Variants in PRC1 observed in about 807,000 individuals in gnomAD.
PRC1 encodes the protein protein regulator of cytokinesis 1, also known as anaphase spindle elongation 1 homolog.
Under a neutral mutation model 91.2 loss-of-function variants are expected in PRC1, and 54 were observed. The observed-to-expected ratio is 0.59, with a 90% confidence interval of 0.48 to 0.74. The LOEUF is 0.74. Ranked by LOEUF, PRC1 falls within the 30% of genes least tolerant of loss-of-function variation. The pLI is 0.00. For missense variants in PRC1, 727 were observed against 746.2 expected (o/e 0.97, Z 0.30); for synonymous variants, 275 against 263.6 (o/e 1.04, Z -0.42).
Position 90,974,627 on chromosome 15 carries a change from C to A in PRC1, c.1308G>T (p.Trp436Cys). ...QKFMEYVAEQ[W>C]EMHRLEKERA... Reference sequence around the variant, plus strand: ...TCTCTTTCTCCAATCGATGCATCTCCCATTGTTCTGCCACATACTCCATGA... The same window carrying A: ...TCTCTTTCTCCAATCGATGCATCTCACATTGTTCTGCCACATACTCCATGA... The change falls in exon 10 of 15, where the codon TGG (tryptophan) becomes TGT (cysteine). Residue 436 changes from tryptophan (W) to cysteine (C), a missense_variant. Physicochemically the swap from Trp to Cys is radical, Grantham distance 215 (BLOSUM62 -2). Transcript: ENST00000394249. This position sits in a 1 kb window ranked among gnomAD's most constrained non-coding sequence, Gnocchi z 4.6. The A allele has an allele frequency of 2.5e-6, 4 of 1,614,216 alleles. No homozygotes were observed. The highest frequency in any genetic ancestry group is 3.4e-6 in the Non-Finnish European group (4 of 1,180,042).
Position 90,969,269 on chromosome 15 carries a change from T to C in PRC1, c.1750-149A>G, listed in dbSNP as rs183717874. The C allele has an allele frequency of 5.8e-4, 703 of 1,202,394 alleles. 4 individuals are homozygous for C. The highest frequency in any genetic ancestry group is 7.1e-4 in the Non-Finnish European group (601 of 842,576). 74.5% of individuals were successfully genotyped at this position (1,202,394 alleles called of 1,614,324 possible). Reference sequence around the variant, plus strand: ...TGTCTAGTTGCTGCTGCCAACTTCCTTCCTACACAACCCCCCCTTAAATCA... The same window carrying C: ...TGTCTAGTTGCTGCTGCCAACTTCCCTCCTACACAACCCCCCCTTAAATCA... On this transcript the variant is annotated intron_variant, in intron 13 of 14. Coordinates refer to ENST00000394249, the MANE Select transcript of PRC1 (RefSeq NM_003981.4).
At chr15:90,978,506 C>T (rs541220876) in intron 8 of PRC1, among the ~76,000 whole-genome samples, 7 of 152,240 alleles carry the variant, frequency 4.6e-5, no homozygotes, top group South Asian at 2.1e-4. Context: ...GATCCCAGCA[C>T]TGTGGGAGGC....
Position 90,966,856 on chromosome 15 carries a change from T to A in PRC1, c.*275A>T. On this transcript the variant is annotated 3_prime_UTR_variant, in exon 15 of 15. Coordinates refer to ENST00000394249, the MANE Select transcript of PRC1 (RefSeq NM_003981.4). ...GATCATGCTTCAGCAAGTAGAATTATGTGGTAGAGAAGTCAGGCCCCATAT... is the reference window on the plus strand; with the variant it reads ...GATCATGCTTCAGCAAGTAGAATTAAGTGGTAGAGAAGTCAGGCCCCATAT... 2 of 521,422 alleles carry A rather than the reference T, an allele frequency of 3.8e-6. No homozygotes were observed. The highest frequency in any genetic ancestry group is 7.0e-6 in the Non-Finnish European group (2 of 287,762). The allele number at this position is 521,422 out of a possible 1,614,324, so 32.3% of individuals were successfully genotyped here. A position where few individuals can be genotyped will look rare whatever the true frequency, so the allele number is the denominator to read the frequency against.
intron 12 of PRC1, among the ~76,000 whole-genome samples, chr15:90,970,130 T>C (rs138374440): frequency 1.3e-5 from 2 of 152,228 alleles, no homozygotes; most frequent in East Asian, 1.9e-4. Flanking sequence ...GGGCTTGGAA[T>C]TGAGTCTACA....
chr15:90,966,975 G>C lies in PRC1; in HGVS notation c.*156C>G, dbSNP rs542518897. 3.0e-6 allele frequency: 2 copies of C among 663,708 alleles called. No homozygotes were observed. Among genetic ancestry groups the C allele is most frequent in the South Asian group, 3.7e-5 (2 of 53,908 alleles). The allele number at this position is 663,708 out of a possible 1,614,324, so 41.1% of individuals were successfully genotyped here. A position where few individuals can be genotyped will look rare whatever the true frequency, so the allele number is the denominator to read the frequency against. ...CTAAACCTATGATGGGCTTTCAACTGTAACACTCATTCACATCTTTAAGTT... is the reference window on the plus strand; with the variant it reads ...CTAAACCTATGATGGGCTTTCAACTCTAACACTCATTCACATCTTTAAGTT... On this transcript the variant is annotated 3_prime_UTR_variant, in exon 15 of 15. Coordinates refer to ENST00000394249, the MANE Select transcript of PRC1 (RefSeq NM_003981.4).
chr15:90,974,208 C>T lies in PRC1; in HGVS notation c.1389G>A (p.Leu463=), dbSNP rs1214180602. Residue 463 remains leucine, a synonymous_variant, in exon 11 of 15, where the codon CTG becomes CTA. Coordinates refer to ENST00000394249, the MANE Select transcript of PRC1 (RefSeq NM_003981.4). This position sits in a 1 kb window ranked among gnomAD's most constrained non-coding sequence, Gnocchi z 4.6. ...KNKKQTETEM[L]YGSAPRTPSK... ...TAGGTGTTCGAGGAGCGCTGCCATA[C>T]AGCATCTCTGTCTCTGTCTGTTTTT... 5 of 1,614,216 alleles carry T rather than the reference C, an allele frequency of 3.1e-6. No individual in the cohort carries two copies. The highest frequency in any genetic ancestry group is 3.4e-6 in the Non-Finnish European group (4 of 1,180,020).
chr15:90,981,337 A>C, intron 5 of PRC1, 162 bp downstream of exon 5: 1 of 847,960 alleles, frequency 1.2e-6, no homozygotes, highest in Non-Finnish European at 1.8e-6. Flanking sequence ...TTTAACTGTT[A>C]AACAAAAATC....
Position 90,974,838 on chromosome 15 carries a change from C to T in PRC1, c.1204-107G>A. 3 of 1,374,960 alleles carry T rather than the reference C, an allele frequency of 2.2e-6. No individual in the cohort carries two copies. The highest frequency in any genetic ancestry group is 2.0e-6 in the Non-Finnish European group (2 of 985,758). 85.2% of individuals were successfully genotyped at this position (1,374,960 alleles called of 1,614,324 possible). A position where few individuals can be genotyped will look rare whatever the true frequency, so the allele number is the denominator to read the frequency against. On this transcript the variant is annotated intron_variant, in intron 9 of 14. Transcript: ENST00000394249. The surrounding 1 kb of genome is among the most constrained non-coding windows in gnomAD (Gnocchi z 4.6). ...CTCCTCCTCCCCAGAGCATCATTAG[C>T]CTCATTTCAGGTAGCTGGGCCCACA...
In PRC1 at chr15:90,974,347, GC is replaced by G; in HGVS notation, c.1351-102del. The G allele has an allele frequency of 2.5e-6, 3 of 1,177,956 alleles. No homozygotes were observed. In the South Asian group the frequency reaches 3.9e-5, roughly 15 times the overall value. The allele number at this position is 1,177,956 out of a possible 1,614,324, so 73.0% of individuals were successfully genotyped here. A position where few individuals can be genotyped will look rare whatever the true frequency, so the allele number is the denominator to read the frequency against. ...GGGAATCTAGGCCCGTGTCTCTACA[GC>G]CAGAGCTAAAGAGCTGCCGCGGGCT... On this transcript the variant is annotated intron_variant, in intron 10 of 14. Coordinates refer to ENST00000394249, the MANE Select transcript of PRC1 (RefSeq NM_003981.4). The surrounding 1 kb of genome is among the most constrained non-coding windows in gnomAD (Gnocchi z 4.6).
In PRC1 at chr15:90,994,475, G is replaced by C; in HGVS notation, c.-58C>G. ...CCAGACCTACTCCACACGGCCCCGA[G>C]AGCAACAACCACCCGCAAACACCGG... is the stretch of plus-strand genomic sequence containing the variant. On this transcript the variant is annotated 5_prime_UTR_variant, in exon 1 of 15. Transcript: ENST00000394249. The C allele has an allele frequency of 1.3e-6, 2 of 1,575,104 alleles. No individual in the cohort carries two copies. Among genetic ancestry groups the C allele is most frequent in the Non-Finnish European group, 1.7e-6 (2 of 1,158,744 alleles).
intron 14 of PRC1, 48 bp downstream of exon 14, chr15:90,969,031 A>AT (rs777190373): frequency 1.2e-6 from 2 of 1,613,792 alleles, no homozygotes; most frequent in South Asian, 2.2e-5. Context: ...AAGCCAGCAG[A>AT]TGACAGATCA....
chr15:90,988,237 A>G (rs1276638078), intron 1 of PRC1: 2 of 152,322 alleles, frequency 1.3e-5, no homozygotes, highest in East Asian at 1.9e-4. Context: ...ATTAAAAATA[A>G]CTTTTAAGAT....
intron 6 of PRC1, 143 bp downstream of exon 6, chr15:90,980,741 A>T (rs2039128523): frequency 1.7e-6 from 2 of 1,179,990 alleles, no homozygotes; most frequent in African/African-American, 3.1e-5. Flanking sequence ...CCTGACCTCA[A>T]ATGATTCACC....
chr15:90,984,221 T>A lies in PRC1; in HGVS notation c.145-81A>T, dbSNP rs8031684. 0.22 allele frequency: 327,172 copies of A among 1,520,340 alleles called. 44,961 individuals are homozygous for A. The highest frequency in any genetic ancestry group is 0.59 in the African/African-American group (41,816 of 71,394). 94.2% of individuals were successfully genotyped at this position (1,520,340 alleles called of 1,614,324 possible). ...ACACCAATACCAAACTCCTCAAATT[T>A]CTTTTTTCTTTTTCTTTTTTTCTTT... On this transcript the variant is annotated intron_variant, in intron 2 of 14. Transcript: ENST00000394249. The surrounding 1 kb of genome is among the most constrained non-coding windows in gnomAD (Gnocchi z 5.1).
chr15:90,990,905 A>C (rs1048507274), intron 1 of PRC1, among the ~76,000 whole-genome samples: 1 of 151,540 alleles, frequency 6.6e-6, no homozygotes, highest in Non-Finnish European at 1.5e-5. Flanking sequence ...CAGCCTCCTG[A>C]GTAGCTGGGA....
intron 1 of PRC1, among the ~76,000 whole-genome samples, chr15:90,991,741 C>A (rs1228882931): frequency 1.3e-5 from 2 of 152,144 alleles, no homozygotes; most frequent in Non-Finnish European, 2.9e-5. Context: ...ACCACTACCA[C>A]CCCCACCCTG....
chr15:90,981,473 T>C, intron 5 of PRC1, 26 bp downstream of exon 5: 1 of 1,612,784 alleles, frequency 6.2e-7, no homozygotes, highest in African/African-American at 1.3e-5. Context: ...ACGGAGATCC[T>C]AGGGCATAAT....
At chr15:90,993,448 T>C (rs1318363644) in intron 1 of PRC1, among the ~76,000 whole-genome samples, 1 of 152,148 alleles carries the variant, frequency 6.6e-6, no homozygotes, top group Admixed American at 6.6e-5. Context: ...GCAAGCATTT[T>C]AAAAAGACTG....
rs1259197064 is a variant in PRC1, at chr15:90,994,504, T to C, written c.-87A>G. The C allele has an allele frequency of 7.4e-6, 11 of 1,494,292 alleles. No individual in the cohort carries two copies. The highest frequency in any genetic ancestry group is 3.5e-4 in the Middle Eastern group (2 of 5,738). 92.6% of individuals were successfully genotyped at this position (1,494,292 alleles called of 1,614,324 possible). A position where few individuals can be genotyped will look rare whatever the true frequency, so the allele number is the denominator to read the frequency against. ...AACAACCACCCGCAAACACCGGCGA[T>C]GTCACTCCGCGTAGCCGCTCCGCGA... On this transcript the variant is annotated 5_prime_UTR_variant, in exon 1 of 15. Coordinates refer to ENST00000394249, the MANE Select transcript of PRC1 (RefSeq NM_003981.4).
Sources: allele counts gnomAD v4.1 joint callset (sites outside exome capture counted in the v4.1 genomes callset), GRCh38; gene constraint gnomAD v4.1.1; non-coding constraint Gnocchi (gnomAD v3.1); transcripts MANE v1.5; gene names NCBI Gene and HGNC (gene_info 2026-07-23, HGNC 2026-07-21).